TXNDC9: variants seen among roughly 807,000 people sequenced by gnomAD.
TXNDC9 encodes thioredoxin domain-containing protein 9.
A neutral mutation model predicts 23.0 loss-of-function variants in TXNDC9; 7 were observed. The observed-to-expected ratio is 0.30, with a 90% CI of 0.17 to 0.57. The LOEUF is 0.57. TXNDC9 is among the 20% of genes least tolerant of loss of function. The pLI is 0.90. For synonymous variants in TXNDC9, 72 were observed against 90.6 expected (o/e 0.79, Z 1.17); for missense variants, 198 against 252.6 (o/e 0.78, Z 1.47).
the TXNDC9 span, among the ~76,000 whole-genome samples, chr2:99,307,830 T>C: frequency 6.7e-6 from 1 of 148,490 alleles, no homozygotes; most frequent in East Asian, 2.0e-4. Context: ...ATTTGTTAAC[T>C]GAAAGCCAAA....
chr2:99,326,026 C>T (rs570430687), intron 3 of TXNDC9, among the ~76,000 whole-genome samples: 2 of 149,542 alleles, frequency 1.3e-5, no homozygotes, highest in African/African-American at 2.5e-5. Flanking sequence ...CAAAAAAAAA[C>T]AACAAAAAAA....
rs2094204882 is a variant in TXNDC9, at chr2:99,322,511, A to C, written c.309-302T>G. 6 of 1,457,478 alleles carry C rather than the reference A, an allele frequency of 4.1e-6. No individual in the cohort carries two copies. The South Asian group carries it at 9.1e-5, about 22-fold the overall frequency. 90.3% of individuals were successfully genotyped at this position (1,457,478 alleles called of 1,614,324 possible). A position where few individuals can be genotyped will look rare whatever the true frequency, so the allele number is the denominator to read the frequency against. ...AAGTTGTCCTATCTCCTACACAGGA[A>C]ACTTGAAGAGGAACAAACTGAAACT... On this transcript the variant is annotated intron_variant, in intron 3 of 4. Coordinates refer to ENST00000264255, the MANE Select transcript of TXNDC9 (RefSeq NM_005783.4).
Position 99,319,743 on chromosome 2 carries a change from G to A in TXNDC9, c.620C>T (p.Thr207Ile), listed in dbSNP as rs767342439. Reference protein sequence around the residue: ...QNQKKFGTNFTKLEKKTIRGK... With the variant: ...QNQKKFGTNFIKLEKKTIRGK... ...TCGGATAGTTTTCTTTTCCAGCTTT[G>A]TGAAGTTTGTTCCAAATTTCTTTTG... Residue 207 changes from threonine (T) to isoleucine (I), a missense_variant, in exon 5 of 5, where the codon ACA (threonine) becomes ATA (isoleucine). By Grantham distance (89) the Thr-to-Ile change is moderately conservative. Transcript: ENST00000264255. 2 of 1,597,234 alleles carry A rather than the reference G, an allele frequency of 1.3e-6. No homozygotes were observed. Among genetic ancestry groups the A allele is most frequent in the Non-Finnish European group, 1.7e-6 (2 of 1,173,994 alleles).
chr2:99,321,912 T>C (rs574028119), intron 4 of TXNDC9, 43 bp downstream of exon 4: 1 of 1,524,562 alleles, frequency 6.6e-7, no homozygotes, highest in Admixed American at 2.1e-5. Flanking sequence ...AAATATCAAC[T>C]ATATATGAAT....
chr2:99,314,839 T>C (rs1355654765), downstream of TXNDC9, among the ~76,000 whole-genome samples: 2 of 151,956 alleles, frequency 1.3e-5, no homozygotes, highest in East Asian at 1.9e-4. Context: ...CATCTTTTCA[T>C]GTACTTACTG....
rs1341262982 is a variant in TXNDC9, at chr2:99,322,118, G to C, written c.400C>G (p.Leu134Val). The stretch of plus-strand genomic sequence containing the variant: ...ACTTTGATATGCAGTCTCTCACAAA[G>C]GAAAGGTGCTTTTTCCACATTCAGC... ...LKLNVEKAPF[L>V]CERLHIKVIP... The change falls in exon 4 of 5, where the codon CTT (leucine) becomes GTT (valine). Residue 134 changes from leucine to valine, a missense_variant. Physicochemically the swap from Leu to Val is conservative, Grantham distance 32 (BLOSUM62 1). Transcript: ENST00000264255. The C allele has an allele frequency of 6.2e-7, 1 of 1,614,004 alleles. No individual in the cohort carries two copies. Among genetic ancestry groups the C allele is most frequent in the African/African-American group, 1.3e-5 (1 of 74,932 alleles).
rs773016381 is a variant in TXNDC9, at chr2:99,322,043, C to T, written c.475G>A (p.Val159Ile). Residue 159 changes from valine to isoleucine, a missense_variant, in exon 4 of 5, where the codon GTT becomes ATT. Physicochemically the swap from Val to Ile is conservative, Grantham distance 29 (BLOSUM62 3). Coordinates refer to ENST00000264255, the MANE Select transcript of TXNDC9 (RefSeq NM_005783.4). ...LKDGKTQDYV[V>I]GFTDLGNTDD... ...GTATTTCCTAGGTCAGTAAACCCAA[C>T]AACATAATCTTGTGTTTTCCCATCT... 2.5e-6 allele frequency: 4 copies of T among 1,614,134 alleles called. No individual in the cohort carries two copies. The highest frequency in any genetic ancestry group is 2.2e-5 in the East Asian group (1 of 44,864).
In TXNDC9 at chr2:99,323,507, G is replaced by A. The variant is rs1036596902; in HGVS notation, c.309-1298C>T. Among the ~76,000 whole-genome samples, 7 of 152,002 alleles carry A rather than the reference G, an allele frequency of 4.6e-5. No individual in the cohort carries two copies. The East Asian group carries it at 1.4e-3, about 29-fold the overall frequency. ...TCCCAACACTTTGGGAGGCTGAGGCGGGCAGATCACTTGAGGCCAAGAGTT... is the reference window on the plus strand; with the variant it reads ...TCCCAACACTTTGGGAGGCTGAGGCAGGCAGATCACTTGAGGCCAAGAGTT... On this transcript the variant is annotated intron_variant, in intron 3 of 4. Transcript: ENST00000264255.
Position 99,322,019 on chromosome 2 carries a change from T to C in TXNDC9, c.499A>G (p.Thr167Ala), listed in dbSNP as rs774402232. 1.2e-6 allele frequency: 2 copies of C among 1,614,172 alleles called. No homozygotes were observed. Among genetic ancestry groups the C allele is most frequent in the Admixed American group, 1.7e-5 (1 of 60,020 alleles). ...YVVGFTDLGNTDDFTTETLEW... is the reference protein window; with the variant it reads ...YVVGFTDLGNADDFTTETLEW... ...AAAGTTTCTGTGGTGAAGTCATCTG[T>C]ATTTCCTAGGTCAGTAAACCCAACA... Residue 167 changes from threonine to alanine, a missense_variant, in exon 4 of 5, where the codon ACA becomes GCA. By Grantham distance (58) the Thr-to-Ala change is moderately conservative. Coordinates refer to ENST00000264255, the MANE Select transcript of TXNDC9 (RefSeq NM_005783.4).
intron 4 of TXNDC9, among the ~76,000 whole-genome samples, chr2:99,320,739 G>C (rs1402752601): frequency 1.3e-5 from 2 of 152,144 alleles, no homozygotes; most frequent in Non-Finnish European, 2.9e-5. Flanking sequence ...GAAGTCTTTA[G>C]GAGTAAAGGG....
intron 2 of TXNDC9, among the ~76,000 whole-genome samples, chr2:99,330,901 T>C (rs2094223845): frequency 1.3e-5 from 2 of 152,206 alleles, no homozygotes. Context: ...CCTACTAAAA[T>C]GCAGTGAAAG....
chr2:99,327,712 A>G, intron 2 of TXNDC9, 59 bp from the exon 3 acceptor site: 1 of 1,031,962 alleles, frequency 9.7e-7, no homozygotes, highest in Non-Finnish European at 1.5e-6. Context: ...GAACCACTTG[A>G]CATTTTAAGT....
At chr2:99,316,783 G>A (rs1174976528), downstream of TXNDC9, among the ~76,000 whole-genome samples, 1 of 151,936 alleles carries the variant, frequency 6.6e-6, no homozygotes, top group African/African-American at 2.4e-5. Context: ...TTGAGATGGA[G>A]TCTCACTCTG....
intron 3 of TXNDC9, among the ~76,000 whole-genome samples, chr2:99,323,710 T>C (rs980919492): frequency 1.3e-5 from 2 of 152,206 alleles, no homozygotes; most frequent in Admixed American, 6.5e-5. Context: ...CACTCCAGGC[T>C]AGGCGACAGA....
intron 3 of TXNDC9, among the ~76,000 whole-genome samples, chr2:99,326,998 G>C (rs2094213906): frequency 6.6e-6 from 1 of 152,164 alleles, no homozygotes; most frequent in African/African-American, 2.4e-5. Flanking sequence ...TGGGAATATT[G>C]ACTTTCAGTA....
chr2:99,309,513 A>T, the TXNDC9 span, among the ~76,000 whole-genome samples: 2 of 151,368 alleles, frequency 1.3e-5, no homozygotes, highest in Admixed American at 6.6e-5. Context: ...TGTTTCAATT[A>T]AAAAAAAAGA....
chr2:99,317,256 G>A (rs1229454126), downstream of TXNDC9, among the ~76,000 whole-genome samples: 4 of 152,208 alleles, frequency 2.6e-5, no homozygotes, highest in South Asian at 8.3e-4. Flanking sequence ...GTATGGATTA[G>A]TTTCCTGTTC....
chr2:99,310,632 A>T, the TXNDC9 span, among the ~76,000 whole-genome samples: 1 of 152,170 alleles, frequency 6.6e-6, no homozygotes, highest in Admixed American at 6.5e-5. Flanking sequence ...AAGAGATAGG[A>T]TATCCTGAAT....
downstream of TXNDC9, among the ~76,000 whole-genome samples, chr2:99,315,295 G>C (rs187133337): frequency 7.1e-3 from 1,080 of 152,004 alleles, 11 homozygotes; most frequent in African/African-American, 0.024. Context: ...TCGATCTCCT[G>C]ACCTCGTGAT....
Sources: allele counts gnomAD v4.1 joint callset (sites outside exome capture counted in the v4.1 genomes callset), GRCh38; gene constraint gnomAD v4.1.1; transcripts MANE v1.5; gene names NCBI Gene and HGNC (gene_info 2026-07-23, HGNC 2026-07-21).